Variants in ABCA3 observed in about 807,000 individuals in gnomAD.
The protein encoded by ABCA3 is phospholipid-transporting ATPase ABCA3.
A neutral mutation model predicts 172.8 loss-of-function variants in ABCA3; 88 were observed. The ratio of observed to expected loss-of-function variants is 0.51; its 90% CI spans 0.43 to 0.61. The LOEUF is 0.61. Ranked by LOEUF, ABCA3 falls within the 20% of genes least tolerant of loss-of-function variation. The probability of loss-of-function intolerance (pLI) is 0.00; values close to 1 mark genes in which losing one functional copy is unlikely to be tolerated. For missense variants in ABCA3, 2,164 were observed against 2,301.0 expected (o/e 0.94, Z 1.22); for synonymous variants, 1,066 against 983.8 (o/e 1.08, Z -1.56).
intron 1 of ABCA3, chr16:2,332,467 T>C (rs1299937150): frequency 1.0e-6 from 1 of 1,002,720 alleles, no homozygotes. Context: ...ATACTTCTGG[T>C]AATAGGCCAC....
In ABCA3 at chr16:2,297,816, C is replaced by T; in HGVS notation, c.2002G>A (p.Gly668Ser). ...WNSRSRFLSG[G>S]MRRKLSIGIA... ...CCGATGGAGAGCTTGCGCCTCATGC[C>T]CCCGCTCAGGAAGCGGCTCCGTGAG... Residue 668 changes from glycine (G) to serine (S), a missense_variant, in exon 16 of 33, where the codon GGC (glycine) becomes AGC (serine). Physicochemically the swap from Gly to Ser is moderately conservative, Grantham distance 56. This residue lies in a region of ABCA3 where 1,343 missense variants were observed against 1,369.6 expected (regional missense o/e 0.98). Coordinates refer to ENST00000301732, the MANE Select transcript of ABCA3 (RefSeq NM_001089.3). The surrounding 1 kb of genome is among the most constrained non-coding windows in gnomAD (Gnocchi z 5.6). The T allele has an allele frequency of 1.9e-6, 3 of 1,613,660 alleles. No homozygotes were observed. Among genetic ancestry groups the T allele is most frequent in the South Asian group, 1.1e-5 (1 of 91,086 alleles).
chr16:2,297,878 T>A lies in ABCA3; in HGVS notation c.1940A>T (p.Gln647Leu), dbSNP rs779133998. ...SRQKCPEEVK[Q>L]MLHIIGLEDK... ...CTCCAGGCCGATGATGTGCAGCATC[T>A]GCTTGACTTCTTCAGGGCACTTCTG... Residue 647 changes from glutamine to leucine, a missense_variant, in exon 16 of 33, where the codon CAG (glutamine) becomes CTG (leucine). Transcript: ENST00000301732. The surrounding 1 kb of genome is among the most constrained non-coding windows in gnomAD (Gnocchi z 5.6). 6.2e-7 allele frequency: 1 copy of A among 1,613,878 alleles called. No homozygotes were observed. The highest frequency in any genetic ancestry group is 2.2e-5 in the East Asian group (1 of 44,862).
intron 18 of ABCA3, 151 bp downstream of exon 18, chr16:2,295,439 G>T: frequency 8.3e-7 from 1 of 1,201,940 alleles, no homozygotes; most frequent in Non-Finnish European, 1.2e-6. Context: ...AGATTCATCT[G>T]GGCTGATGGT....
chr16:2,314,917 T>C (rs1422259939), intron 10 of ABCA3, among the ~76,000 whole-genome samples: 1 of 128,042 alleles, frequency 7.8e-6, no homozygotes, highest in Non-Finnish European at 1.7e-5. Context: ...CTTGCTCTGT[T>C]GCCAGGCTGG....
At chr16:2,321,230 G>C (rs567266875) in intron 7 of ABCA3, among the ~76,000 whole-genome samples, 6 of 152,154 alleles carry the variant, frequency 3.9e-5, no homozygotes, top group Non-Finnish European at 8.8e-5. Flanking sequence ...TGTGACAGCT[G>C]GACATAGCTT....
chr16:2,282,025 G>A (rs1010230217), intron 26 of ABCA3, among the ~76,000 whole-genome samples: 4 of 152,082 alleles, frequency 2.6e-5, no homozygotes, highest in Non-Finnish European at 5.9e-5. Flanking sequence ...CCTGACCTTT[G>A]GTGATCCGTC....
chr16:2,315,003 G>C (rs1473875865), intron 10 of ABCA3, among the ~76,000 whole-genome samples: 1 of 147,010 alleles, frequency 6.8e-6, no homozygotes, highest in African/African-American at 2.5e-5. Flanking sequence ...TCAGCCTCCC[G>C]AGTAGCTGGG....
rs1433655340 is a variant in ABCA3, at chr16:2,283,491, A to C, written c.3863-133T>G. On this transcript the variant is annotated intron_variant, in intron 25 of 32. Coordinates refer to ENST00000301732, the MANE Select transcript of ABCA3 (RefSeq NM_001089.3). The surrounding 1 kb of genome is among the most constrained non-coding windows in gnomAD (Gnocchi z 5.4). The stretch of plus-strand genomic sequence containing the variant: ...ATGTCCCCTCCATGGGGAGATGTGA[A>C]GGCCAGTAGGTCACAGCTGCCTCTC... 2 of 1,030,958 alleles carry C rather than the reference A, an allele frequency of 1.9e-6. No individual in the cohort carries two copies. Among genetic ancestry groups the C allele is most frequent in the Non-Finnish European group, 2.8e-6 (2 of 716,504 alleles). The allele number at this position is 1,030,958 out of a possible 1,614,324, so 63.9% of individuals were successfully genotyped here. A position where few individuals can be genotyped will look rare whatever the true frequency, so the allele number is the denominator to read the frequency against.
chr16:2,315,974 T>C (rs1264363683), intron 10 of ABCA3, among the ~76,000 whole-genome samples: 1 of 149,010 alleles, frequency 6.7e-6, no homozygotes, highest in Non-Finnish European at 1.5e-5. Context: ...TGAGCTACCA[T>C]GCCTGGTCAC....
intron 10 of ABCA3, among the ~76,000 whole-genome samples, chr16:2,313,527 T>C (rs565652424): frequency 8.5e-6 from 1 of 117,658 alleles, no homozygotes; most frequent in East Asian, 2.4e-4. Flanking sequence ...CACTCCAGCC[T>C]AGGCAACAGA....
At chr16:2,288,938 A>G (rs1596836297) in intron 20 of ABCA3, 1 of 194,382 alleles carries the variant, frequency 5.1e-6, no homozygotes, top group Non-Finnish European at 1.1e-5. Context: ...CACAGGTCAC[A>G]GGAAACAGAT....
rs969542176 is a variant in ABCA3 at position 2,278,719 on chromosome 16, C to T, written c.4547+224G>A. The stretch of plus-strand genomic sequence containing the variant: ...CTGCACCTAAAGGGGACCTGCCGAC[C>T]CTGACATCTCTCACTGCTGGCTTTG... On this transcript the variant is annotated intron_variant, in intron 29 of 32. Coordinates refer to ENST00000301732, the MANE Select transcript of ABCA3 (RefSeq NM_001089.3). The surrounding 1 kb of genome is among the most constrained non-coding windows in gnomAD (Gnocchi z 4.4). Among the ~76,000 whole-genome samples the T allele has an allele frequency of 6.6e-6, 1 of 152,202 alleles. No homozygotes were observed. The highest frequency in any genetic ancestry group is 1.5e-5 in the Non-Finnish European group (1 of 68,030).
Position 2,326,020 on chromosome 16 carries a change from G to T in ABCA3, c.309C>A (p.Ile103=). Residue 103 remains isoleucine, a synonymous_variant, in exon 5 of 33, where the codon ATC becomes ATA. Transcript: ENST00000301732. ...VTETVRRALV[I]NMRVRGFPSE... is the part of the protein sequence containing the mutation. ...CCCGGCATGTCTCACCTCGCATGTT[G>T]ATCACAAGTGCCCTGCGCACTGTCT... 1 of 1,613,792 alleles carries T rather than the reference G, an allele frequency of 6.2e-7. No individual in the cohort carries two copies. Among genetic ancestry groups the T allele is most frequent in the South Asian group, 1.1e-5 (1 of 91,014 alleles).
intron 10 of ABCA3, among the ~76,000 whole-genome samples, chr16:2,315,165 G>T (rs370695234): frequency 5.9e-4 from 90 of 151,494 alleles, no homozygotes; most frequent in African/African-American, 2.1e-3. Context: ...TTACAGGCGT[G>T]AGCCATGGTG....
intron 6 of ABCA3, 108 bp from the exon 7 acceptor site, chr16:2,323,796 C>T (rs1025452575): frequency 8.5e-7 from 1 of 1,181,830 alleles, no homozygotes; most frequent in Non-Finnish European, 1.2e-6. Flanking sequence ...CGAGAACTCA[C>T]CACTCCCCCG....
intron 18 of ABCA3, among the ~76,000 whole-genome samples, chr16:2,293,381 T>C (rs1285392675): frequency 6.7e-6 from 1 of 148,740 alleles, no homozygotes; most frequent in Non-Finnish European, 1.5e-5. Context: ...TTTTTTTTTT[T>C]TTTTTTTGGA....
In ABCA3 at chr16:2,286,660, G is replaced by C. The variant is rs748959334; in HGVS notation, c.3278+34C>G. On this transcript the variant is annotated intron_variant, in intron 22 of 32. Transcript: ENST00000301732. The surrounding 1 kb of genome is among the most constrained non-coding windows in gnomAD (Gnocchi z 5.2). ...CAGGGCAGTCAGTCCTGGGGGCTCT[G>C]GCCAGGGCAGACAGGGACGGGCAGT... The C allele has an allele frequency of 4.3e-6, 7 of 1,611,438 alleles. No individual in the cohort carries two copies. In the Admixed American group the frequency reaches 1.2e-4, roughly 27 times the overall value.
rs947216661 is a variant in ABCA3, at chr16:2,278,838, A to G, written c.4547+105T>C. On this transcript the variant is annotated intron_variant, in intron 29 of 32. Coordinates refer to ENST00000301732, the MANE Select transcript of ABCA3 (RefSeq NM_001089.3). The surrounding 1 kb of genome is among the most constrained non-coding windows in gnomAD (Gnocchi z 4.4). ...ATCCCAGCTCCATCCTGGAGCCACA[A>G]GCAGGAGCTCTGGCTGCTGACCTGA... is the stretch of plus-strand genomic sequence containing the variant. The G allele has an allele frequency of 1.1e-5, 16 of 1,517,676 alleles. No individual in the cohort carries two copies. Among genetic ancestry groups the G allele is most frequent in the Admixed American group, 1.7e-5 (1 of 59,648 alleles). The allele number at this position is 1,517,676 out of a possible 1,614,324, so 94.0% of individuals were successfully genotyped here.
At position 2,278,354 on chromosome 16, in the gene ABCA3, C is replaced by T. The variant is rs1333633950; in HGVS notation, c.4652G>A (p.Arg1551His). The T allele has an allele frequency of 2.5e-6, 4 of 1,611,922 alleles. No individual in the cohort carries two copies. Among genetic ancestry groups the T allele is most frequent in the Non-Finnish European group, 3.4e-6 (4 of 1,179,982 alleles). ...TCGTGCCACGGTGTCCCAAAGCAGG[C>T]GCCGGGCCACGGGGTCCATGCCAGT... ...PSTGMDPVAR[R>H]LLWDTVARAR... Residue 1551 changes from arginine (R) to histidine (H), a missense_variant, in exon 30 of 33, where the codon CGC becomes CAC. Arg to His is a conservative substitution (Grantham distance 29). Transcript: ENST00000301732. The surrounding 1 kb of genome is among the most constrained non-coding windows in gnomAD (Gnocchi z 4.4).
Sources: gnomAD v4.1 joint callset for allele counts (sites outside exome capture counted in the v4.1 genomes callset) on GRCh38, gnomAD v4.1.1 for gene constraint, gnomAD v4.1.1 regional missense constraint, Gnocchi (gnomAD v3.1) non-coding constraint, MANE v1.5 for transcripts, NCBI Gene and HGNC (gene_info 2026-07-23, HGNC 2026-07-21) for gene names.